The following IZUMO2 variants were observed in gnomAD, a reference collection of about 807,000 sequenced individuals.
The protein encoded by IZUMO2 is IZUMO family member 2, also known as izumo sperm-egg fusion protein 2.
IZUMO2 carries 24 observed loss-of-function variants against 31.2 expected under a neutral mutation model. That is an observed-to-expected ratio of 0.77 (90% CI 0.56 to 1.08). The LOEUF is 1.08. IZUMO2 is among the 50% of genes least tolerant of loss of function. The probability of loss-of-function intolerance (pLI) is 0.00; values close to 1 mark genes in which losing one functional copy is unlikely to be tolerated. For missense variants in IZUMO2, 278 were observed against 274.0 expected (o/e 1.01, Z -0.10); for synonymous variants, 144 against 117.3 (o/e 1.23, Z -1.47).
At position 50,153,200 on chromosome 19, in the gene IZUMO2, A is replaced by G. The variant is rs371535997; in HGVS notation, c.624-549T>C. 2.0e-5 allele frequency among the ~76,000 whole-genome samples: 3 copies of G among 152,200 alleles called. No homozygotes were observed. The East Asian group carries it at 5.8e-4, about 29-fold the overall frequency. On this transcript the variant is annotated intron_variant, in intron 6 of 6. Coordinates refer to ENST00000293405, the MANE Select transcript of IZUMO2 (RefSeq NM_152358.3). ...CCATGTGAAGACAGAGGAAGGGATT[A>G]GAAGGGAGCTAAGGAATGCCAGCAG...
At chr19:50,155,734 G>A (rs1229135016) in intron 5 of IZUMO2, among the ~76,000 whole-genome samples, 1 of 152,162 alleles carries the variant, frequency 6.6e-6, no homozygotes, top group Non-Finnish European at 1.5e-5. Context: ...GGGAGGCGCT[G>A]TTAAAACCTA....
chr19:50,159,522 C>T lies in IZUMO2; in HGVS notation c.366G>A (p.Lys122=), dbSNP rs1358912456. 2 of 1,612,842 alleles carry T rather than the reference C, an allele frequency of 1.2e-6. No individual in the cohort carries two copies. The highest frequency in any genetic ancestry group is 1.7e-5 in the Admixed American group (1 of 59,964). Residue 122 remains lysine, a synonymous_variant, in exon 3 of 7, where the codon AAG becomes AAA. Coordinates refer to ENST00000293405, the MANE Select transcript of IZUMO2 (RefSeq NM_152358.3). Reference sequence around the variant, plus strand: ...TTAATTCATATGAAATTAAAACTTTCTTGAATTCCTTGATCACATTCGCCC... The same window carrying T: ...TTAATTCATATGAAATTAAAACTTTTTTGAATTCCTTGATCACATTCGCCC... The part of the protein sequence containing the change: ...TLRANVIKEF[K]KVLISYELKA...
Position 50,159,504 on chromosome 19 carries a change from A to G in IZUMO2, c.384T>C (p.Tyr128=). 1 of 1,608,596 alleles carries G rather than the reference A, an allele frequency of 6.2e-7. No homozygotes were observed. Among genetic ancestry groups the G allele is most frequent in the Non-Finnish European group, 8.5e-7 (1 of 1,175,044 alleles). Reference sequence around the variant, plus strand: ...AGAGATATGCTGCACCTTTTAATTCATATGAAATTAAAACTTTCTTGAATT... The same window carrying G: ...AGAGATATGCTGCACCTTTTAATTCGTATGAAATTAAAACTTTCTTGAATT... ...IKEFKKVLIS[Y]ELKACNPKLC... Residue 128 remains tyrosine, a synonymous_variant, in exon 3 of 7, where the codon TAT becomes TAC. Transcript: ENST00000293405.
chr19:50,158,313 A>G lies in IZUMO2; in HGVS notation c.451T>C (p.Cys151Arg). 6.2e-7 allele frequency: 1 copy of G among 1,612,432 alleles called. No homozygotes were observed. Among genetic ancestry groups the G allele is most frequent in the Non-Finnish European group, 8.5e-7 (1 of 1,179,098 alleles). The stretch of plus-strand genomic sequence containing the variant: ...ATACACTTGGGAGTGATCCTCTGGC[A>G]ATGTAAACAGTCCAACACCTCTTCT... ...LKEEVLDCLHCQRITPKCIHK... is the reference protein window; with the variant it reads ...LKEEVLDCLHRQRITPKCIHK... The change falls in exon 5 of 7, where the codon TGC becomes CGC. Residue 151 changes from cysteine (C) to arginine (R), a missense_variant. Physicochemically the swap from Cys to Arg is radical, Grantham distance 180. Transcript: ENST00000293405.
Position 50,163,075 on chromosome 19 carries a change from G to C in IZUMO2, c.120C>G (p.Ile40Met), listed in dbSNP as rs751746112. The C allele has an allele frequency of 6.2e-7, 1 of 1,613,280 alleles. No homozygotes were observed. Among genetic ancestry groups the C allele is most frequent in the South Asian group, 1.1e-5 (1 of 91,034 alleles). ...GCTGCTCCAACTGGAAGCGACTGGG[G>C]ATGAGGGCGGAGCGCAGGTGACCCA... ...EALGHLRSAL[I>M]PSRFQLEQLQ... The change falls in exon 1 of 7, where the codon ATC becomes ATG. Residue 40 changes from isoleucine to methionine, a missense_variant. Coordinates refer to ENST00000293405, the MANE Select transcript of IZUMO2 (RefSeq NM_152358.3).
chr19:50,154,700 G>A lies in IZUMO2; in HGVS notation c.523C>T (p.Gln175Ter). The A allele has an allele frequency of 6.2e-7, 1 of 1,613,992 alleles. No homozygotes were observed. Among genetic ancestry groups the A allele is most frequent in the Non-Finnish European group, 8.5e-7 (1 of 1,179,970 alleles). ...GGGTATTTGCTGTCCATCTGGTACT[G>A]CAGGGCCACGCGGGGTTGCCGGTCG... ...FVDRQPRVAL[Q>*]YQMDSKYPRN... Residue 175 changes from glutamine to a stop codon, truncating the protein, a stop_gained, in exon 6 of 7, where the codon CAG becomes TAG. Coordinates refer to ENST00000293405, the MANE Select transcript of IZUMO2 (RefSeq NM_152358.3). LOFTEE classifies it high-confidence loss of function.
At position 50,154,625 on chromosome 19, in the gene IZUMO2, A is replaced by C; in HGVS notation, c.598T>G (p.Phe200Val). 1 of 1,613,968 alleles carries C rather than the reference A, an allele frequency of 6.2e-7. No individual in the cohort carries two copies. Among genetic ancestry groups the C allele is most frequent in the Non-Finnish European group, 8.5e-7 (1 of 1,179,958 alleles). The change falls in exon 6 of 7, where the codon TTT becomes GTT. Residue 200 changes from phenylalanine (F) to valine (V), a missense_variant. By Grantham distance (50) the Phe-to-Val change is conservative (BLOSUM62 -1). Transcript: ENST00000293405. ...GILISVSLAV[F>V]VFVVIVVSAC... Reference sequence around the variant, plus strand: ...GAGACCACGATGACCACGAAGACAAAGACAGCCAGAGACACAGAAATGAGG... The same window carrying C: ...GAGACCACGATGACCACGAAGACAACGACAGCCAGAGACACAGAAATGAGG...
chr19:50,158,700 C>A (rs958157154), intron 4 of IZUMO2, among the ~76,000 whole-genome samples: 1 of 152,176 alleles, frequency 6.6e-6, no homozygotes, highest in African/African-American at 2.4e-5. Flanking sequence ...TCCTCCTCTA[C>A]TGGTGCATAC....
rs775212163 is a variant in IZUMO2, at chr19:50,163,119, G to T, written c.76C>A (p.Pro26Thr). 1.0e-5 allele frequency: 16 copies of T among 1,605,424 alleles called. 1 individual carries two copies. The highest frequency in any genetic ancestry group is 3.5e-4 in the Middle Eastern group (2 of 5,760). ...TGACCCAGGGCCTCCAGCACCAAGG[G>T]GTCGCACTGCAGGCAGCCCCAGCCT... Reference protein sequence around the residue: ...PGGWGCLQCDPLVLEALGHLR... With the variant: ...PGGWGCLQCDTLVLEALGHLR... Residue 26 changes from proline (P) to threonine (T), a missense_variant, in exon 1 of 7, where the codon CCC becomes ACC. Transcript: ENST00000293405.
Position 50,163,144 on chromosome 19 carries a change from T to C in IZUMO2, c.51A>G (p.Gly17=), listed in dbSNP as rs777663502. 6 of 1,579,722 alleles carry C rather than the reference T, an allele frequency of 3.8e-6. No homozygotes were observed. Among genetic ancestry groups the C allele is most frequent in the Admixed American group, 1.9e-5 (1 of 53,280 alleles). Residue 17 remains glycine, a synonymous_variant, in exon 1 of 7, where the codon GGA becomes GGG. Transcript: ENST00000293405. ...LLLLSGLGAP[G]GWGCLQCDPL... ...GGTCGCACTGCAGGCAGCCCCAGCC[T>C]CCGGGGGCGCCCAAGCCCGAGAGCA... is the stretch of plus-strand genomic sequence containing the variant.
intron 5 of IZUMO2, among the ~76,000 whole-genome samples, chr19:50,157,449 C>A (rs919266851): frequency 2.0e-5 from 3 of 151,368 alleles, no homozygotes; most frequent in Non-Finnish European, 4.4e-5. Flanking sequence ...ATTACAGGTG[C>A]CTGCCACCAC....
intron 4 of IZUMO2, 34 bp downstream of exon 4, chr19:50,159,196 T>C (rs750352616): frequency 3.1e-6 from 5 of 1,602,332 alleles, no homozygotes; most frequent in African/African-American, 1.3e-5. Context: ...GTTAGGAGGG[T>C]AGAGAAGGGA....
At chr19:50,160,085 G>C (rs919182078) in intron 2 of IZUMO2, 1 of 153,788 alleles carries the variant, frequency 6.5e-6, no homozygotes, top group African/African-American at 2.4e-5. Context: ...CTGACCTCAG[G>C]TGATCCTCCC....
chr19:50,161,232 C>A (rs570461325), intron 2 of IZUMO2, among the ~76,000 whole-genome samples: 1 of 151,418 alleles, frequency 6.6e-6, no homozygotes, highest in Non-Finnish European at 1.5e-5. Flanking sequence ...TCAAGCAATT[C>A]TCCTGCCTCA....
Position 50,158,281 on chromosome 19 carries a change from T to C in IZUMO2, c.483A>G (p.Lys161=), listed in dbSNP as rs369628448. The part of the protein sequence containing the change: ...CQRITPKCIH[K]KYCFVDRQPR... ...CCAGAAGCTTACCAAAGCAGTACTTTTTGTGGATACACTTGGGAGTGATCC... is the reference window on the plus strand; with the variant it reads ...CCAGAAGCTTACCAAAGCAGTACTTCTTGTGGATACACTTGGGAGTGATCC... Residue 161 remains lysine (K), a synonymous_variant, in exon 5 of 7, where the codon AAA becomes AAG. Transcript: ENST00000293405. The C allele has an allele frequency of 1.9e-6, 3 of 1,609,318 alleles. No individual in the cohort carries two copies. In the Admixed American group the frequency reaches 5.0e-5, roughly 27 times the overall value.
chr19:50,159,505 T>C lies in IZUMO2; in HGVS notation c.383A>G (p.Tyr128Cys). The C allele has an allele frequency of 6.2e-7, 1 of 1,608,740 alleles. No individual in the cohort carries two copies. Among genetic ancestry groups the C allele is most frequent in the East Asian group, 2.2e-5 (1 of 44,854 alleles). ...GAGATATGCTGCACCTTTTAATTCA[T>C]ATGAAATTAAAACTTTCTTGAATTC... ...IKEFKKVLIS[Y>C]ELKACNPKLC... The change falls in exon 3 of 7, where the codon TAT (tyrosine) becomes TGT (cysteine). Residue 128 changes from tyrosine (Y) to cysteine (C), a missense_variant. Transcript: ENST00000293405.
chr19:50,154,589 G>A lies in IZUMO2; in HGVS notation c.623+11C>T. 6.2e-7 allele frequency: 1 copy of A among 1,613,726 alleles called. No homozygotes were observed. The highest frequency in any genetic ancestry group is 1.1e-5 in the South Asian group (1 of 91,060). On this transcript the variant is annotated intron_variant, in intron 6 of 6. Coordinates refer to ENST00000293405, the MANE Select transcript of IZUMO2 (RefSeq NM_152358.3). ...CCACGGGGGACTGAGGAGGGGGCAA[G>A]GATGACTCACGAGACCACGATGACC...
chr19:50,163,225 C>G lies in IZUMO2; in HGVS notation c.-31G>C, dbSNP rs1568440463. ...GGCCTTTGTGACGTCACAGAGAGAA[C>G]CCGGCCCGCCCCGCCTCCCAGGCGA... On this transcript the variant is annotated 5_prime_UTR_variant, in exon 1 of 7. Transcript: ENST00000293405. The G allele has an allele frequency of 6.6e-7, 1 of 1,504,342 alleles. No homozygotes were observed. Among genetic ancestry groups the G allele is most frequent in the East Asian group, 2.5e-5 (1 of 40,690 alleles). 93.2% of individuals were successfully genotyped at this position (1,504,342 alleles called of 1,614,324 possible).
chr19:50,157,125 T>C (rs1356302306), intron 5 of IZUMO2, among the ~76,000 whole-genome samples: 1 of 152,098 alleles, frequency 6.6e-6, no homozygotes, highest in Non-Finnish European at 1.5e-5. Context: ...TTAACATAAT[T>C]TGATAGTAAG....
Sources: allele counts gnomAD v4.1 joint callset (sites outside exome capture counted in the v4.1 genomes callset), GRCh38; gene constraint gnomAD v4.1.1; transcripts MANE v1.5; gene names NCBI Gene and HGNC (gene_info 2026-07-23, HGNC 2026-07-21).